NEBL: variants seen among roughly 807,000 people sequenced by gnomAD.
NEBL encodes the protein LIM and SH3 protein 2.
Under a neutral mutation model 140.2 loss-of-function variants are expected in NEBL, and 122 were observed. That is an observed-to-expected ratio of 0.87 (90% CI 0.75 to 1.01). The LOEUF (loss-of-function observed/expected upper bound fraction) is 1.01, where lower values mean the gene tolerates loss of function less well. Ranked by LOEUF, NEBL falls within the 50% of genes least tolerant of loss-of-function variation. The probability of loss-of-function intolerance (pLI) is 0.00; values close to 1 mark genes in which losing one functional copy is unlikely to be tolerated. For missense variants in NEBL, 1,365 were observed against 1,231.3 expected (o/e 1.11, Z -1.62); for synonymous variants, 436 against 398.9 (o/e 1.09, Z -1.11).
chr10:21,060,024 A>C (rs1408358077), intron 2 of NEBL, among the ~76,000 whole-genome samples: 1 of 152,220 alleles, frequency 6.6e-6, no homozygotes. Flanking sequence ...GGGTTCTGCC[A>C]AATACAAATA....
chr10:21,047,945 A>G (rs1047512326), intron 2 of NEBL, among the ~76,000 whole-genome samples: 1 of 152,264 alleles, frequency 6.6e-6, no homozygotes, highest in Non-Finnish European at 1.5e-5. Context: ...TGTTATTGCC[A>G]TATAGCTTAG....
chr10:21,123,208 G>A (rs1838660164), intron 2 of NEBL, among the ~76,000 whole-genome samples: 1 of 152,164 alleles, frequency 6.6e-6, no homozygotes, highest in Admixed American at 6.5e-5. Flanking sequence ...CAAGTGCCAA[G>A]ATTCTCACTG....
chr10:20,865,491 T>C (rs2131198507), intron 7 of NEBL, among the ~76,000 whole-genome samples: 1 of 152,186 alleles, frequency 6.6e-6, no homozygotes, highest in South Asian at 2.1e-4. Context: ...CCAGGGTACA[T>C]TTTCTTAACC....
At chr10:20,993,392 G>A (rs1837544817) in intron 3 of NEBL, among the ~76,000 whole-genome samples, 1 of 152,140 alleles carries the variant, frequency 6.6e-6, no homozygotes, top group South Asian at 2.1e-4. Flanking sequence ...CAAGGGCAGG[G>A]AATTTTTAAC....
At chr10:20,861,194 T>C (rs530939224) in intron 7 of NEBL, among the ~76,000 whole-genome samples, 12 of 152,304 alleles carry the variant, frequency 7.9e-5, no homozygotes, top group Admixed American at 3.9e-4. Flanking sequence ...CTTAAATATA[T>C]AGTCTTAGAG....
At chr10:20,980,610 C>T (rs1836999632) in intron 3 of NEBL, among the ~76,000 whole-genome samples, 1 of 152,098 alleles carries the variant, frequency 6.6e-6, no homozygotes. Context: ...AAGTATCAGC[C>T]AGGGGCCCTA....
At chr10:21,255,895 T>C (rs1842653213) in intron 1 of NEBL, among the ~76,000 whole-genome samples, 2 of 151,122 alleles carry the variant, frequency 1.3e-5, no homozygotes, top group South Asian at 4.2e-4. Context: ...GGCAGGAGAA[T>C]TGCTTGAGCC....
chr10:20,780,183 TG>T lies in NEBL; in HGVS notation c.*5563del, dbSNP rs1834937161. 2 of 152,206 alleles carry T rather than the reference TG, an allele frequency of 1.3e-5. No homozygotes were observed. Among genetic ancestry groups the T allele is most frequent in the African/African-American group, 4.8e-5 (2 of 41,454 alleles). The allele number at this position is 152,206 out of a possible 1,614,324, so 9.4% of individuals were successfully genotyped here. On this transcript the variant is annotated 3_prime_UTR_variant, in exon 28 of 28. Transcript: ENST00000377122. ...TGGGGGGAGAAAAGCAATTGTGTTC[TG>T]TGATAAATGAGCCTTTCTTAGCTGA...
chr10:21,029,367 A>G (rs1302250458), intron 2 of NEBL: 1 of 1,611,738 alleles, frequency 6.2e-7, no homozygotes. Flanking sequence ...TTATCAGTGC[A>G]GTGCGTTTAC....
intron 2 of NEBL, among the ~76,000 whole-genome samples, chr10:21,041,958 A>C (rs1834287094): frequency 1.3e-5 from 2 of 152,222 alleles, no homozygotes; most frequent in African/African-American, 4.8e-5. Context: ...TACAATGAGC[A>C]GCGAGGATGA....
intron 2 of NEBL, among the ~76,000 whole-genome samples, chr10:21,084,266 A>G (rs1836514929): frequency 6.6e-6 from 1 of 152,252 alleles, no homozygotes; most frequent in South Asian, 2.1e-4. Context: ...ATGCAGCTAT[A>G]CATACATTGT....
chr10:21,034,824 C>T (rs1024379464), intron 2 of NEBL, among the ~76,000 whole-genome samples: 3 of 151,980 alleles, frequency 2.0e-5, no homozygotes, highest in African/African-American at 7.2e-5. Context: ...TTTTAAGTTC[C>T]AGGGTACATG....
chr10:20,902,900 G>C (rs1847931256), intron 4 of NEBL, among the ~76,000 whole-genome samples: 1 of 152,122 alleles, frequency 6.6e-6, no homozygotes, highest in South Asian at 2.1e-4. Context: ...GAATAATTGT[G>C]AAAGACTTTG....
chr10:20,862,914 T>C (rs1843868643), intron 7 of NEBL, among the ~76,000 whole-genome samples: 1 of 152,180 alleles, frequency 6.6e-6, no homozygotes. Context: ...ACAGTAGGTG[T>C]ATGTATTATA....
chr10:20,929,539 G>C (rs1834077970), intron 4 of NEBL, among the ~76,000 whole-genome samples: 1 of 152,146 alleles, frequency 6.6e-6, no homozygotes, highest in Non-Finnish European at 1.5e-5. Context: ...TTGCATCTAT[G>C]TATACATATA....
At chr10:21,171,250 G>A (rs563215835) in intron 2 of NEBL, among the ~76,000 whole-genome samples, 2 of 151,142 alleles carry the variant, frequency 1.3e-5, no homozygotes, top group East Asian at 1.9e-4. Flanking sequence ...CAGAAGAATC[G>A]CTTGAACCTG....
In NEBL at chr10:20,860,561, CAAAAAGAA is replaced by C. The variant is rs1392115535; in HGVS notation, c.685-743_685-736del. ...TTAGAATATAAACACAAGTTCACTA[CAAAAAGAA>C]AAAAAAAAAAAAAAAAAACCTAGCT... On this transcript the variant is annotated intron_variant, in intron 7 of 27. Transcript: ENST00000377122. Among the ~76,000 whole-genome samples the C allele has an allele frequency of 7.9e-3, 490 of 61,940 alleles. 4 individuals are homozygous for C. Among genetic ancestry groups the C allele is most frequent in the African/African-American group, 0.03 (449 of 15,164 alleles). The allele number at this position is 61,940 out of a possible 152,430, so 40.6% of individuals were successfully genotyped here.
chr10:21,292,724 C>G (rs1843161866), intron 1 of NEBL, among the ~76,000 whole-genome samples: 1 of 152,146 alleles, frequency 6.6e-6, no homozygotes, highest in Non-Finnish European at 1.5e-5. Flanking sequence ...ATGAAGGTAT[C>G]TATCTTGTGA....
At chr10:21,256,212 C>G (rs574580329) in intron 1 of NEBL, among the ~76,000 whole-genome samples, 77 of 152,120 alleles carry the variant, frequency 5.1e-4, no homozygotes, top group South Asian at 1.9e-3. Context: ...GGATTACACA[C>G]ACCCACCACC....
Sources: allele counts gnomAD v4.1 joint callset (sites outside exome capture counted in the v4.1 genomes callset), GRCh38; gene constraint gnomAD v4.1.1; transcripts MANE v1.5; gene names NCBI Gene and HGNC (gene_info 2026-07-23, HGNC 2026-07-21).